NALCN: variants seen among roughly 807,000 people sequenced by gnomAD.
NALCN encodes the protein sodium leak channel NALCN.
NALCN carries 111 observed loss-of-function variants against 225.3 expected under a neutral mutation model. That is an observed-to-expected ratio of 0.49 (90% CI 0.42 to 0.58). NALCN has a LOEUF of 0.58. NALCN is among the 20% of genes least tolerant of loss of function. The pLI is 0.00. For missense variants in NALCN, 1,378 were observed against 2,202.4 expected (o/e 0.63, Z 7.49); for synonymous variants, 764 against 769.0 (o/e 0.99, Z 0.11).
intron 11 of NALCN, 135 bp from the exon 12 acceptor site, chr13:101,238,057 TTTTAC>T (rs1254945004): frequency 4.5e-6 from 3 of 659,736 alleles, no homozygotes; most frequent in Admixed American, 7.1e-5. Flanking sequence ...AAGAATGACA[TTTTAC>T]TTTAAGAATG....
In NALCN at chr13:101,089,886, C is replaced by T. The variant is rs1288701891; in HGVS notation, c.3350G>A (p.Trp1117Ter). The T allele has an allele frequency of 6.2e-7, 1 of 1,614,054 alleles. No homozygotes were observed. Among genetic ancestry groups the T allele is most frequent in the East Asian group, 2.2e-5 (1 of 44,880 alleles). ...ALFEVLSLKGWVEVRDVIIHR... is the reference protein window; with the variant it reads ...ALFEVLSLKG ...AATAATAACATCTCTCACTTCCACC[C>T]AGCCTTTCAAGGAGAGAACTTCAAA... Residue 1117 changes from tryptophan to a stop codon, truncating the protein, a stop_gained, in exon 29 of 44, where the codon TGG becomes TAG. Coordinates refer to ENST00000251127, the MANE Select transcript of NALCN (RefSeq NM_052867.4). LOFTEE classifies it high-confidence loss of function. The surrounding 1 kb of genome is among the most constrained non-coding windows in gnomAD (Gnocchi z 4.7).
chr13:101,104,964 CAT>C lies in NALCN; in HGVS notation c.2580-16_2580-15del. 6.2e-7 allele frequency: 1 copy of C among 1,610,522 alleles called. No homozygotes were observed. Among genetic ancestry groups the C allele is most frequent in the Non-Finnish European group, 8.5e-7 (1 of 1,177,576 alleles). On this transcript the variant is annotated splice_polypyrimidine_tract_variant and intron_variant, in intron 22 of 43. Coordinates refer to ENST00000251127, the MANE Select transcript of NALCN (RefSeq NM_052867.4). This position sits in a 1 kb window ranked among gnomAD's most constrained non-coding sequence, Gnocchi z 4.2. ...TCTGTTTTAGATCTGTAAGAGAACA[CAT>C]ATATAAAATTCTGCAACAAAGCAAG...
At chr13:101,328,678 TA>T (rs1483796603) in intron 7 of NALCN, among the ~76,000 whole-genome samples, 2 of 152,202 alleles carry the variant, frequency 1.3e-5, no homozygotes, top group African/African-American at 4.8e-5. Flanking sequence ...CTAGTAAAGA[TA>T]ATTATAATCA....
At chr13:101,075,078 A>G (rs982255609) in intron 35 of NALCN, among the ~76,000 whole-genome samples, 1 of 152,196 alleles carries the variant, frequency 6.6e-6, no homozygotes, top group African/African-American at 2.4e-5. Flanking sequence ...AAACAAACCT[A>G]AGCAATGGTA....
chr13:101,194,364 G>A (rs762087036), intron 13 of NALCN, among the ~76,000 whole-genome samples: 16 of 152,144 alleles, frequency 1.1e-4, no homozygotes, highest in Non-Finnish European at 2.4e-4. Context: ...TGTGTTTATG[G>A]CTGCTGAAAT....
At chr13:101,098,960 T>C (rs2034662164) in intron 27 of NALCN, among the ~76,000 whole-genome samples, 1 of 151,926 alleles carries the variant, frequency 6.6e-6, no homozygotes, top group Non-Finnish European at 1.5e-5. Context: ...ACAGGATAAA[T>C]GCATCATGAA....
intron 15 of NALCN, 87 bp from the exon 16 acceptor site, chr13:101,144,983 A>G (rs1479096846): frequency 7.1e-7 from 1 of 1,398,638 alleles, no homozygotes; most frequent in Non-Finnish European, 9.4e-7. Context: ...GAATGGAAGC[A>G]ATAAGTAATT....
In NALCN at chr13:101,104,290, C is replaced by G; in HGVS notation, c.2889+5G>C. On this transcript the variant is annotated splice_donor_5th_base_variant and intron_variant, in intron 25 of 43. Transcript: ENST00000251127. This position sits in a 1 kb window ranked among gnomAD's most constrained non-coding sequence, Gnocchi z 4.2. Reference sequence around the variant, plus strand: ...TTTTCATTTAGGCAATAAGCAAAGACTTACAAGATATATAAATATGTCCAT... The same window carrying G: ...TTTTCATTTAGGCAATAAGCAAAGAGTTACAAGATATATAAATATGTCCAT... 1.3e-6 allele frequency: 2 copies of G among 1,590,164 alleles called. No individual in the cohort carries two copies. The highest frequency in any genetic ancestry group is 1.7e-6 in the Non-Finnish European group (2 of 1,172,902).
intron 11 of NALCN, among the ~76,000 whole-genome samples, chr13:101,244,791 A>C (rs1244512907): frequency 6.6e-6 from 1 of 152,210 alleles, no homozygotes; most frequent in Non-Finnish European, 1.5e-5. Flanking sequence ...TACAGGACTT[A>C]AATTCAGAGG....
At chr13:101,197,067 G>A (rs183432051) in intron 13 of NALCN, among the ~76,000 whole-genome samples, 72 of 152,210 alleles carry the variant, frequency 4.7e-4, no homozygotes, top group African/African-American at 1.7e-3. Context: ...TAAAAATGGT[G>A]AGATCTAGTG....
intron 2 of NALCN, 65 bp from the exon 3 acceptor site, chr13:101,395,430 C>A: frequency 6.7e-7 from 1 of 1,493,540 alleles, no homozygotes. Context: ...GTATTATGAA[C>A]CACACTAAGT....
rs2034080790 is a variant in NALCN, at chr13:101,089,064, AT to A, written c.3489+598del. On this transcript the variant is annotated intron_variant, in intron 30 of 43. Transcript: ENST00000251127. The surrounding 1 kb of genome is among the most constrained non-coding windows in gnomAD (Gnocchi z 4.7). ...AGGCATGCGCCACCACGCCCGGCTA[AT>A]TTTTGTATTTTTAGTAGAGACAGGG... Among the ~76,000 whole-genome samples, 1 of 151,702 alleles carries A rather than the reference AT, an allele frequency of 6.6e-6. No homozygotes were observed. Among genetic ancestry groups the A allele is most frequent in the East Asian group, 1.9e-4 (1 of 5,142 alleles).
At chr13:101,280,344 ACATATCT>A (rs2043126486) in intron 10 of NALCN, among the ~76,000 whole-genome samples, 2 of 152,180 alleles carry the variant, frequency 1.3e-5, no homozygotes, top group South Asian at 4.1e-4. Context: ...TATTCATAAC[ACATATCT>A]CATATAGGGG....
At chr13:101,159,220 A>C (rs2038047110) in intron 15 of NALCN, among the ~76,000 whole-genome samples, 1 of 152,234 alleles carries the variant, frequency 6.6e-6, no homozygotes, top group African/African-American at 2.4e-5. Flanking sequence ...ATACAAAGCA[A>C]TGCTGTCAAT....
intron 6 of NALCN, among the ~76,000 whole-genome samples, chr13:101,347,599 C>G (rs1319511858): frequency 6.6e-6 from 1 of 152,080 alleles, no homozygotes; most frequent in Non-Finnish European, 1.5e-5. Context: ...TGATTTGGTA[C>G]CTACAATATA....
intron 7 of NALCN, among the ~76,000 whole-genome samples, chr13:101,293,900 G>T (rs962887317): frequency 6.6e-6 from 1 of 152,052 alleles, no homozygotes; most frequent in Non-Finnish European, 1.5e-5. Flanking sequence ...TTGTACATTG[G>T]TACTGTAACT....
chr13:101,245,716 T>A (rs896163517), intron 11 of NALCN, among the ~76,000 whole-genome samples: 102 of 82,190 alleles, frequency 1.2e-3, no homozygotes, highest in Non-Finnish European at 3.3e-3. Context: ...CATTTCACAC[T>A]GACTTCTTAG....
intron 27 of NALCN, among the ~76,000 whole-genome samples, chr13:101,096,851 T>C (rs2034534744): frequency 6.6e-6 from 1 of 152,230 alleles, no homozygotes; most frequent in African/African-American, 2.4e-5. Context: ...ATTTTGAACC[T>C]AAATCTCTTT....
At chr13:101,088,315 T>C (rs955739364) in intron 30 of NALCN, among the ~76,000 whole-genome samples, 4 of 152,048 alleles carry the variant, frequency 2.6e-5, no homozygotes, top group Non-Finnish European at 4.4e-5. Context: ...ACAGATACAG[T>C]CCCATGTGTA....
Sources: gnomAD v4.1 joint callset for allele counts (sites outside exome capture counted in the v4.1 genomes callset) on GRCh38, gnomAD v4.1.1 for gene constraint, Gnocchi (gnomAD v3.1) non-coding constraint, MANE v1.5 for transcripts, NCBI Gene and HGNC (gene_info 2026-07-23, HGNC 2026-07-21) for gene names.